The following EPSTI1 variants were observed in gnomAD, a reference collection of about 807,000 sequenced individuals.
EPSTI1 encodes epithelial-stromal interaction protein 1.
A neutral mutation model predicts 49.9 loss-of-function variants in EPSTI1; 66 were observed. The observed-to-expected ratio is 1.32, with a 90% confidence interval of 1.08 to 1.62. The LOEUF is 1.62. EPSTI1 is among the 40% of genes most tolerant of loss of function. The pLI is 0.00. For missense variants in EPSTI1, 394 were observed against 365.5 expected, an observed-to-expected ratio of 1.08 and a Z score of -0.64; for synonymous variants, 137 against 130.7, an observed-to-expected ratio of 1.05 and a Z score of -0.33.
chr13:42,933,092 C>T (rs1434752543), intron 6 of EPSTI1, among the ~76,000 whole-genome samples: 3 of 151,962 alleles, frequency 2.0e-5, no homozygotes, highest in African/African-American at 7.3e-5. Flanking sequence ...GAATTGGATC[C>T]TGAAATAGAA....
intron 1 of EPSTI1, among the ~76,000 whole-genome samples, chr13:42,976,797 C>T (rs935118639): frequency 1.3e-5 from 2 of 152,138 alleles, no homozygotes; most frequent in Non-Finnish European, 2.9e-5. Flanking sequence ...ATTTAAAAGT[C>T]ACATATAATC....
chr13:42,890,452 C>T (rs1293579328), intron 10 of EPSTI1, among the ~76,000 whole-genome samples: 3 of 152,048 alleles, frequency 2.0e-5, no homozygotes, highest in Non-Finnish European at 4.4e-5. Context: ...AGCCCGCCAC[C>T]ACGCCCGGCT....
intron 8 of EPSTI1, among the ~76,000 whole-genome samples, chr13:42,908,166 C>A (rs1035621630): frequency 6.6e-6 from 1 of 152,104 alleles, no homozygotes; most frequent in African/African-American, 2.4e-5. Flanking sequence ...AAATGTAAAA[C>A]CTGAAACTAG....
intron 7 of EPSTI1, 87 bp downstream of exon 7, chr13:42,926,249 T>C: frequency 2.4e-6 from 2 of 825,506 alleles, no homozygotes; most frequent in South Asian, 2.7e-5. Context: ...TTCTATGATG[T>C]ACAAGTCACT....
At chr13:42,928,952 G>A (rs780673490) in intron 6 of EPSTI1, among the ~76,000 whole-genome samples, 3 of 152,236 alleles carry the variant, frequency 2.0e-5, no homozygotes, top group Non-Finnish European at 2.9e-5. Flanking sequence ...GTTGTGCATT[G>A]AAGGTGGTGG....
chr13:42,948,631 C>T (rs1408550008), intron 6 of EPSTI1, among the ~76,000 whole-genome samples: 1 of 151,770 alleles, frequency 6.6e-6, no homozygotes, highest in East Asian at 1.9e-4. Context: ...CATGCACCAC[C>T]ACTCCCAGCA....
intron 1 of EPSTI1, among the ~76,000 whole-genome samples, chr13:42,990,175 GAAAAA>G (rs35599695): frequency 8.9e-6 from 1 of 112,610 alleles, no homozygotes; most frequent in African/African-American, 3.2e-5. Flanking sequence ...TTCACATGAG[GAAAAA>G]AAAAAAAAAA....
rs1042901376 is a variant in EPSTI1, at chr13:42,926,374, A to G, written c.619T>C (p.Cys207Arg). 6.2e-7 allele frequency: 1 copy of G among 1,613,530 alleles called. No homozygotes were observed. Among genetic ancestry groups the G allele is most frequent in the Admixed American group, 1.7e-5 (1 of 60,032 alleles). Residue 207 changes from cysteine to arginine, a missense_variant, in exon 7 of 11, where the codon TGT becomes CGT. Transcript: ENST00000313624. ...TGTGGGCCACAAACAGCACTTTGAC[A>G]GGCACTTCTGTCTGGCGATTCTGTG... is the stretch of plus-strand genomic sequence containing the variant. Reference protein sequence around the residue: ...LNTESPDRSACQSAVCGPQSS... With the variant: ...LNTESPDRSARQSAVCGPQSS...
chr13:42,969,880 G>C (rs940510955), intron 2 of EPSTI1: 8 of 152,210 alleles, frequency 5.3e-5, no homozygotes, highest in Non-Finnish European at 1.5e-5. Context: ...TCGAAATCCA[G>C]ACCACATTGA....
chr13:42,992,042 C>A lies in EPSTI1; in HGVS notation c.124G>T (p.Glu42Ter). The change falls in exon 1 of 11, where the codon GAG becomes TAG. Residue 42 changes from glutamate (E) to a stop codon, truncating the protein, a stop_gained. Coordinates refer to ENST00000313624, the MANE Select transcript of EPSTI1 (RefSeq NM_033255.5). LOFTEE classifies it high-confidence loss of function. The stretch of plus-strand genomic sequence containing the variant: ...CCCTTAGGGGCTGCCTCCAAACCCT[C>A]TCTCTGGTCTTCCACGGGGCTCAGC... Reference protein sequence around the residue: ...GELSPVEDQREGLEAAPKGPS... With the variant: ...GELSPVEDQR The A allele has an allele frequency of 1.9e-6, 3 of 1,613,516 alleles. No homozygotes were observed. The highest frequency in any genetic ancestry group is 2.5e-6 in the Non-Finnish European group (3 of 1,180,036).
At chr13:42,934,816 A>G (rs1345056194) in intron 6 of EPSTI1, 1 of 206,580 alleles carries the variant, frequency 4.8e-6, no homozygotes, top group Non-Finnish European at 1.1e-5. Context: ...ATTCACTCCC[A>G]TGGGCTCTGG....
intron 7 of EPSTI1, among the ~76,000 whole-genome samples, chr13:42,920,304 A>G (rs187362886): frequency 6.6e-6 from 1 of 152,306 alleles, no homozygotes; most frequent in Admixed American, 6.5e-5. Context: ...AAATTACCCT[A>G]AACAAAGCAG....
At position 42,944,220 on chromosome 13, in the gene EPSTI1, G is replaced by A. The variant is rs141773440; in HGVS notation, c.563+9728C>T. On this transcript the variant is annotated intron_variant, in intron 6 of 10. Coordinates refer to ENST00000313624, the MANE Select transcript of EPSTI1 (RefSeq NM_033255.5). ...TTCTACTATAAAGGCACATGCACAC[G>A]TATATTTATTGCAGCATTGTTCACA... Among the ~76,000 whole-genome samples the A allele has an allele frequency of 1.3e-3, 199 of 152,254 alleles. 1 individual carries two copies. The East Asian group carries it at 0.014, about 11-fold the overall frequency.
At position 42,888,232 on chromosome 13, in the gene EPSTI1, C is replaced by A; in HGVS notation, c.*262G>T. The A allele has an allele frequency of 6.2e-7, 1 of 1,612,668 alleles. No homozygotes were observed. Among genetic ancestry groups the A allele is most frequent in the Non-Finnish European group, 8.5e-7 (1 of 1,178,964 alleles). On this transcript the variant is annotated 3_prime_UTR_variant, in exon 11 of 11. Coordinates refer to ENST00000313624, the MANE Select transcript of EPSTI1 (RefSeq NM_033255.5). ...CTCTTTTTCTACCCTACCAACATCA[C>A]TCTAATTATACTTCCAATTAGAAAA... is the stretch of plus-strand genomic sequence containing the variant.
At chr13:42,982,580 A>G (rs1002231352) in intron 1 of EPSTI1, among the ~76,000 whole-genome samples, 8 of 152,222 alleles carry the variant, frequency 5.3e-5, no homozygotes, top group African/African-American at 1.9e-4. Flanking sequence ...AAGGCTACCA[A>G]GCTCACCTGT....
chr13:42,983,473 G>A (rs990915609), intron 1 of EPSTI1, among the ~76,000 whole-genome samples: 2 of 150,620 alleles, frequency 1.3e-5, no homozygotes, highest in Non-Finnish European at 2.9e-5. Context: ...CTGAGGCAGG[G>A]GAATCGCTTG....
chr13:42,978,270 T>G (rs766913041), intron 1 of EPSTI1, among the ~76,000 whole-genome samples: 8 of 152,086 alleles, frequency 5.3e-5, no homozygotes, highest in South Asian at 2.1e-4. Flanking sequence ...TTTAGACATT[T>G]TAGGAAGACA....
chr13:42,896,106 T>G (rs534023447), intron 9 of EPSTI1, among the ~76,000 whole-genome samples: 1 of 152,290 alleles, frequency 6.6e-6, no homozygotes, highest in South Asian at 2.1e-4. Context: ...CTGCGCTTGC[T>G]CAGTGCTAGC....
chr13:42,960,214 G>A (rs117553013), intron 5 of EPSTI1, among the ~76,000 whole-genome samples: 2,309 of 151,866 alleles, frequency 0.015, 26 homozygotes, highest in Non-Finnish European at 0.023. Flanking sequence ...ATGAACCCAG[G>A]AAATTGAGAG....
Sources: gnomAD v4.1 joint callset for allele counts (sites outside exome capture counted in the v4.1 genomes callset) on GRCh38, gnomAD v4.1.1 for gene constraint, MANE v1.5 for transcripts, NCBI Gene and HGNC (gene_info 2026-07-23, HGNC 2026-07-21) for gene names.